PLCB1: variants seen among roughly 807,000 people sequenced by gnomAD.
The protein encoded by PLCB1 is 1-phosphatidylinositol 4,5-bisphosphate phosphodiesterase beta-1.
A neutral mutation model predicts 161.8 loss-of-function variants in PLCB1; 46 were observed. The ratio of observed to expected loss-of-function variants is 0.28; its 90% CI spans 0.22 to 0.36. The LOEUF (loss-of-function observed/expected upper bound fraction) is 0.36, where lower values mean the gene tolerates loss of function less well. Ranked by LOEUF, PLCB1 falls within the 10% of genes least tolerant of loss-of-function variation. The pLI is 1.00. For synonymous variants in PLCB1, 517 were observed against 503.7 expected (o/e 1.03, Z -0.35); for missense variants, 1,016 against 1,472.5 (o/e 0.69, Z 5.07).
chr20:8,805,527 C>A (rs1219861027), intron 31 of PLCB1, among the ~76,000 whole-genome samples: 1 of 152,144 alleles, frequency 6.6e-6, no homozygotes, highest in Non-Finnish European at 1.5e-5. Context: ...CAGTTTAAGG[C>A]CGTAGAAAGG....
rs1984320654 is a variant in PLCB1, at chr20:8,520,893, G to GTAAGCTAATATTTGT, written c.247-107397_247-107383dup. On this transcript the variant is annotated intron_variant, in intron 3 of 31. Transcript: ENST00000338037. ...TCAATTTATATAAACACTGTGGGAA[G>GTAAGCTAATATTTGT]TAAGCTAATATTTGTTAACCTGAAA... Among the ~76,000 whole-genome samples the GTAAGCTAATATTTGT allele has an allele frequency of 2.6e-5, 4 of 152,248 alleles. No homozygotes were observed. The South Asian group carries it at 8.3e-4, about 32-fold the overall frequency.
At chr20:8,284,810 C>T (rs746708829) in intron 2 of PLCB1, among the ~76,000 whole-genome samples, 11 of 151,998 alleles carry the variant, frequency 7.2e-5, no homozygotes, top group African/African-American at 9.7e-5. Context: ...GTCTGCTTGG[C>T]CTCTTCCTCT....
intron 2 of PLCB1, among the ~76,000 whole-genome samples, chr20:8,185,527 T>G (rs898300760): frequency 2.0e-5 from 3 of 151,306 alleles, no homozygotes; most frequent in Admixed American, 2.0e-4. Flanking sequence ...CCAGAAAGTG[T>G]GTGTAAAGAG....
At chr20:8,589,421 T>C (rs1987082065) in intron 3 of PLCB1, among the ~76,000 whole-genome samples, 1 of 152,052 alleles carries the variant, frequency 6.6e-6, no homozygotes, top group Non-Finnish European at 1.5e-5. Flanking sequence ...TTACTGTAGA[T>C]TGGGTGGCTT....
chr20:8,523,488 CTCTCTCTCTAT>C (rs1984444671), intron 3 of PLCB1, among the ~76,000 whole-genome samples: 2 of 59,376 alleles, frequency 3.4e-5, no homozygotes, highest in African/African-American at 9.4e-5. Context: ...CTCTCTCTCT[CTCTCTCTCTAT>C]ATATATATAT....
intron 1 of PLCB1, among the ~76,000 whole-genome samples, chr20:8,137,942 G>A (rs994631515): frequency 7.2e-5 from 11 of 152,182 alleles, no homozygotes; most frequent in Admixed American, 6.5e-4. Context: ...GTGACTTACA[G>A]TCAGTTTAGA....
chr20:8,438,442 T>C (rs1476789096), intron 3 of PLCB1, among the ~76,000 whole-genome samples: 3 of 152,184 alleles, frequency 2.0e-5, no homozygotes, highest in African/African-American at 7.2e-5. Flanking sequence ...GTTAAACTTC[T>C]AATGGGCAAA....
intron 3 of PLCB1, among the ~76,000 whole-genome samples, chr20:8,604,809 A>G (rs1600186594): frequency 6.6e-6 from 1 of 152,152 alleles, no homozygotes; most frequent in East Asian, 1.9e-4. Context: ...GTAATATAGA[A>G]TATTTTATTT....
chr20:8,443,239 T>C (rs995236122), intron 3 of PLCB1, among the ~76,000 whole-genome samples: 3 of 152,042 alleles, frequency 2.0e-5, no homozygotes, highest in African/African-American at 7.2e-5. Context: ...CTTGGCCTCC[T>C]GAAGTGCTGG....
intron 2 of PLCB1, among the ~76,000 whole-genome samples, chr20:8,330,016 G>A (rs1985304455): frequency 6.6e-6 from 1 of 152,148 alleles, no homozygotes; most frequent in Admixed American, 6.5e-5. Context: ...TAGGTAGGTG[G>A]CAAGACGGTG....
intron 31 of PLCB1, among the ~76,000 whole-genome samples, chr20:8,858,105 T>A (rs1035783039): frequency 9.9e-5 from 15 of 152,236 alleles, no homozygotes; most frequent in African/African-American, 3.4e-4. Flanking sequence ...ATTTAATTTT[T>A]ATTGTTAGCT....
At chr20:8,317,994 C>CTTT (rs201783826) in intron 2 of PLCB1, among the ~76,000 whole-genome samples, 14 of 140,574 alleles carry the variant, frequency 1.0e-4, no homozygotes, top group Middle Eastern at 7.5e-3. Flanking sequence ...TATTTCTTTT[C>CTTT]TTTTTTTTTT....
At chr20:8,549,135 G>A (rs1475816077) in intron 3 of PLCB1, among the ~76,000 whole-genome samples, 1 of 152,056 alleles carries the variant, frequency 6.6e-6, no homozygotes, top group East Asian at 1.9e-4. Context: ...TGCATGTTCT[G>A]CACATGTATC....
At chr20:8,782,858 T>G (rs1457298057) in intron 27 of PLCB1, among the ~76,000 whole-genome samples, 1 of 152,240 alleles carries the variant, frequency 6.6e-6, no homozygotes, top group Non-Finnish European at 1.5e-5. Flanking sequence ...TATTCTAGAC[T>G]TGGCTTTTTG....
At chr20:8,551,325 A>C (rs1369301578) in intron 3 of PLCB1, among the ~76,000 whole-genome samples, 1 of 152,176 alleles carries the variant, frequency 6.6e-6, no homozygotes. Context: ...ATAGCCTCAG[A>C]CTTTTATTCT....
chr20:8,462,460 G>C (rs2022453), intron 3 of PLCB1, among the ~76,000 whole-genome samples: 16,617 of 152,112 alleles, frequency 0.11, 945 homozygotes, highest in Middle Eastern at 0.13. Flanking sequence ...GATTGATTTT[G>C]TTTCTTAAAG....
rs769765757 is a variant in PLCB1 at position 8,765,122 on chromosome 20, A to G, written c.2711-17A>G. 1 of 1,601,076 alleles carries G rather than the reference A, an allele frequency of 6.2e-7. No individual in the cohort carries two copies. Among genetic ancestry groups the G allele is most frequent in the African/African-American group, 1.3e-5 (1 of 74,240 alleles). ...CAGCCCTCCCATTCCCTTAGCTTTC[A>G]TATTCATTTGTTGCAGAAGTGGAAG... On this transcript the variant is annotated splice_polypyrimidine_tract_variant and intron_variant, in intron 25 of 31. Transcript: ENST00000338037.
intron 3 of PLCB1, among the ~76,000 whole-genome samples, chr20:8,406,524 A>G (rs545289642): frequency 2.6e-5 from 4 of 152,212 alleles, no homozygotes; most frequent in Admixed American, 2.0e-4. Flanking sequence ...GAGGTTCACT[A>G]TCTTCTATCT....
intron 2 of PLCB1, among the ~76,000 whole-genome samples, chr20:8,308,671 A>ATGAGAAAAC (rs1180415821): frequency 1.3e-5 from 2 of 150,880 alleles, no homozygotes; most frequent in African/African-American, 4.9e-5. Flanking sequence ...TGTTTTACAG[A>ATGAGAAAAC]TGAGAAAACT....
Sources: gnomAD v4.1 joint callset for allele counts (sites outside exome capture counted in the v4.1 genomes callset) on GRCh38, gnomAD v4.1.1 for gene constraint, MANE v1.5 for transcripts, NCBI Gene and HGNC (gene_info 2026-07-23, HGNC 2026-07-21) for gene names.